The following LMTK3 variants were observed in gnomAD, a reference collection of about 807,000 sequenced individuals.
LMTK3 encodes serine/threonine-protein kinase LMTK3.
A neutral mutation model predicts 116.7 loss-of-function variants in LMTK3; 27 were observed. The observed-to-expected ratio is 0.23, with a 90% CI of 0.17 to 0.32. LMTK3 has a LOEUF of 0.32. LMTK3 is among the 10% of genes least tolerant of loss of function. The pLI, the probability that LMTK3 is intolerant of heterozygous loss-of-function variation, is 1.00. For synonymous variants in LMTK3, 965 were observed against 971.0 expected, an observed-to-expected ratio of 0.99 and a Z score of 0.11; for missense variants, 1,764 against 2,068.5, an observed-to-expected ratio of 0.85 and a Z score of 2.86.
At chr19:48,502,050 GC>G (rs1317115599) in intron 7 of LMTK3, among the ~76,000 whole-genome samples, 1 of 63,578 alleles carries the variant, frequency 1.6e-5, no homozygotes, top group African/African-American at 6.7e-5. Flanking sequence ...TTCTCTCCTG[GC>G]CCCTCCCCTC....
At chr19:48,513,439 A>G (rs1223654676), upstream of LMTK3, 10 of 542,822 alleles carry the variant, frequency 1.8e-5, no homozygotes, top group Non-Finnish European at 3.3e-6. The surrounding 1 kb of genome is among the most constrained non-coding windows in gnomAD (Gnocchi z 5.6). Context: ...AACCCGGTCC[A>G]TCGGGGACAC....
In LMTK3 at chr19:48,486,173, C is replaced by G. The variant is rs572768712; in HGVS notation, c.4367-384G>C. On this transcript the variant is annotated intron_variant, in intron 14 of 14. Transcript: ENST00000600059. ...CTCCCGGGTTCACGCCATTCTCCTGCCTCAGCCTCCCAAGTAGCTGGGACT... is the reference window on the plus strand; with the variant it reads ...CTCCCGGGTTCACGCCATTCTCCTGGCTCAGCCTCCCAAGTAGCTGGGACT... 5.4e-5 allele frequency among the ~76,000 whole-genome samples: 8 copies of G among 147,578 alleles called. No individual in the cohort carries two copies. The East Asian group carries it at 1.6e-3, about 30-fold the overall frequency.
Position 48,491,104 on chromosome 19 carries a change from G to C in LMTK3, c.4366+4C>G. The C allele has an allele frequency of 7.3e-7, 1 of 1,367,012 alleles. No individual in the cohort carries two copies. The highest frequency in any genetic ancestry group is 9.4e-7 in the Non-Finnish European group (1 of 1,061,054). 84.7% of individuals were successfully genotyped at this position (1,367,012 alleles called of 1,614,324 possible). On this transcript the variant is annotated splice_donor_region_variant and intron_variant, in intron 14 of 14. Transcript: ENST00000600059. The surrounding 1 kb of genome is among the most constrained non-coding windows in gnomAD (Gnocchi z 5.1). ...AGGAGGGGGCAGGGCCGAGGATATG[G>C]TACCTGCGGGCCGGGCGTCGGGGGC...
In LMTK3 at chr19:48,491,506, G is replaced by T. The variant is rs757133880; in HGVS notation, c.4126C>A (p.Pro1376Thr). ...GACGGGTCCGTGTCCCCCTCGGGGG[G>T]GGCCTGGACGCTCAGCTCGTTGGTT... ...TPTNELSVQA[P>T]PEGDTDPSTP... is the part of the protein sequence containing the mutation. Residue 1376 changes from proline (P) to threonine (T), a missense_variant, in exon 13 of 15, where the codon CCC (proline) becomes ACC (threonine). Physicochemically the swap from Pro to Thr is conservative, Grantham distance 38 (BLOSUM62 -1). Transcript: ENST00000600059. The surrounding 1 kb of genome is among the most constrained non-coding windows in gnomAD (Gnocchi z 5.1). The T allele has an allele frequency of 6.4e-6, 9 of 1,401,952 alleles. No individual in the cohort carries two copies. Among genetic ancestry groups the T allele is most frequent in the Non-Finnish European group, 8.4e-6 (9 of 1,073,584 alleles). The allele number at this position is 1,401,952 out of a possible 1,614,324, so 86.8% of individuals were successfully genotyped here.
chr19:48,499,024 G>C lies in LMTK3; in HGVS notation c.2045C>G (p.Pro682Arg). 1 of 1,459,262 alleles carries C rather than the reference G, an allele frequency of 6.9e-7. No homozygotes were observed. The allele number at this position is 1,459,262 out of a possible 1,614,324, so 90.4% of individuals were successfully genotyped here. ...TGCTACGGCGTCCCCCCGCTCCAGT[G>C]GCAGGCAGGAGCAGGCCCCCTCGCG... is the stretch of plus-strand genomic sequence containing the variant. ...CSREGACSCL[P>R]LERGDAVAGW... The change falls in exon 11 of 15, where the codon CCA becomes CGA. Residue 682 changes from proline to arginine, a missense_variant. Physicochemically the swap from Pro to Arg is moderately radical, Grantham distance 103. This residue lies in a region of LMTK3 where 1,028 missense variants were observed against 1,050.6 expected (regional missense o/e 0.98). Transcript: ENST00000600059.
rs754539098 is a variant in LMTK3, at chr19:48,491,058, TAGG to T, written c.4366+47_4366+49del. 1.6e-6 allele frequency: 2 copies of T among 1,238,648 alleles called. No individual in the cohort carries two copies. Among genetic ancestry groups the T allele is most frequent in the Admixed American group, 4.1e-5 (1 of 24,552 alleles). 76.7% of individuals were successfully genotyped at this position (1,238,648 alleles called of 1,614,324 possible). A position where few individuals can be genotyped will look rare whatever the true frequency, so the allele number is the denominator to read the frequency against. The stretch of plus-strand genomic sequence containing the variant: ...GTCACAAGAAGTTGGCAGTGGAACA[TAGG>T]GGGACAGAGATGGGCAGAGGAGGGG... On this transcript the variant is annotated intron_variant, in intron 14 of 14. Transcript: ENST00000600059. This position sits in a 1 kb window ranked among gnomAD's most constrained non-coding sequence, Gnocchi z 5.1.
chr19:48,494,870 C>A lies in LMTK3; in HGVS notation c.3677-761G>T, dbSNP rs547418213. On this transcript the variant is annotated intron_variant, in intron 11 of 14. Transcript: ENST00000600059. This position sits in a 1 kb window ranked among gnomAD's most constrained non-coding sequence, Gnocchi z 4.0. ...GGTGAGCCAGTGCACATCTCAGTGC[C>A]CTCTCTAGAACACTCTCCCACCGAT... Among the ~76,000 whole-genome samples, 1 of 152,142 alleles carries A rather than the reference C, an allele frequency of 6.6e-6. No individual in the cohort carries two copies. Among genetic ancestry groups the A allele is most frequent in the Non-Finnish European group, 1.5e-5 (1 of 67,996 alleles).
intron 14 of LMTK3, among the ~76,000 whole-genome samples, chr19:48,489,632 G>A (rs913266805): frequency 6.6e-6 from 1 of 152,180 alleles, no homozygotes; most frequent in Non-Finnish European, 1.5e-5. Context: ...TGCTGCACAG[G>A]CGCTGTGCTG....
intron 11 of LMTK3, among the ~76,000 whole-genome samples, chr19:48,496,856 A>C (rs1014878177): frequency 6.6e-6 from 1 of 152,260 alleles, no homozygotes; most frequent in Admixed American, 6.5e-5. Flanking sequence ...AAGAAATAAA[A>C]ACCAGAGCTC....
Position 48,498,702 on chromosome 19 carries a change from C to T in LMTK3, c.2367G>A (p.Lys789=). 6.5e-7 allele frequency: 1 copy of T among 1,531,092 alleles called. No homozygotes were observed. The highest frequency in any genetic ancestry group is 8.7e-7 in the Non-Finnish European group (1 of 1,143,614). The allele number at this position is 1,531,092 out of a possible 1,614,324, so 94.8% of individuals were successfully genotyped here. A position where few individuals can be genotyped will look rare whatever the true frequency, so the allele number is the denominator to read the frequency against. The part of the protein sequence containing the change: ...PGSGLSSPGP[K]PGDSGYETET... ...CGGTCTCGTAGCCGCTGTCCCCCGG[C>T]TTGGGGCCCGGCGACGAGAGGCCTG... is the stretch of plus-strand genomic sequence containing the variant. The change falls in exon 11 of 15, where the codon AAG becomes AAA. Residue 789 remains lysine, a synonymous_variant. Transcript: ENST00000600059.
chr19:48,486,404 C>A (rs1400764074), intron 14 of LMTK3, among the ~76,000 whole-genome samples: 1 of 151,938 alleles, frequency 6.6e-6, no homozygotes, highest in African/African-American at 2.4e-5. Context: ...CCTGCAACGT[C>A]CCCTCCACAG....
rs781503086 is a variant in LMTK3 at position 48,510,500 on chromosome 19, G to C, written c.169C>G (p.Leu57Val). The change falls in exon 2 of 15, where the codon CTC (leucine) becomes GTC (valine). Residue 57 changes from leucine to valine, a missense_variant. Around this residue, in one of 7 missense-constraint regions of LMTK3, gnomAD observed 271 missense variants for 478.2 expected, o/e 0.57. Transcript: ENST00000600059. ...SGLLAFIFLL[L>V]TCLCCKRGDV... ...CCCCGTTTGCAGCACAGACAGGTGA[G>C]GAGGAGGAAGATGAAGGCCAGCAGG... 6.3e-7 allele frequency: 1 copy of C among 1,597,870 alleles called. No individual in the cohort carries two copies.
In LMTK3 at chr19:48,510,140, C is replaced by T. The variant is rs1404515688; in HGVS notation, c.244G>A (p.Gly82Arg). The part of the protein sequence containing the change: ...FENPEGEDCS[G>R]EYTPPAEETS... ...TCCTCCGCAGGGGGAGTGTACTCCCCGGAGCAGTCCTCCCCTTCAGGGTTC... is the reference window on the plus strand; with the variant it reads ...TCCTCCGCAGGGGGAGTGTACTCCCTGGAGCAGTCCTCCCCTTCAGGGTTC... Residue 82 changes from glycine (G) to arginine (R), a missense_variant, in exon 3 of 15, where the codon GGG becomes AGG. Coordinates refer to ENST00000600059, the MANE Select transcript of LMTK3 (RefSeq NM_001388485.1). 1.9e-6 allele frequency: 3 copies of T among 1,613,676 alleles called. No homozygotes were observed. The highest frequency in any genetic ancestry group is 2.2e-5 in the East Asian group (1 of 44,876).
At chr19:48,510,337 A>G in intron 2 of LMTK3, 122 bp downstream of exon 2, 1 of 1,437,590 alleles carries the variant, frequency 7.0e-7, no homozygotes, top group Non-Finnish European at 9.4e-7. Context: ...ATCTTGCCAT[A>G]GCTTCAAGCT....
chr19:48,502,892 C>T lies in LMTK3; in HGVS notation c.645+17G>A. ...AGCTGCCCCCTCTGCCCTTCCCCAA[C>T]CCCCCAAGACCCTCACCAGTTGACA... On this transcript the variant is annotated intron_variant, in intron 6 of 14. Coordinates refer to ENST00000600059, the MANE Select transcript of LMTK3 (RefSeq NM_001388485.1). 3 of 1,592,470 alleles carry T rather than the reference C, an allele frequency of 1.9e-6. No homozygotes were observed. Among genetic ancestry groups the T allele is most frequent in the Non-Finnish European group, 2.6e-6 (3 of 1,163,250 alleles).
At chr19:48,501,876 A>G (rs1366445046) in intron 7 of LMTK3, among the ~76,000 whole-genome samples, 1 of 104,334 alleles carries the variant, frequency 9.6e-6, no homozygotes, top group Non-Finnish European at 1.9e-5. Flanking sequence ...ACCTCTCCTC[A>G]TCACGTGACC....
chr19:48,503,845 TCCTTCCTTCCTCCCTCCCTCCCTC>T (rs1601054421), intron 5 of LMTK3, among the ~76,000 whole-genome samples: 1 of 151,026 alleles, frequency 6.6e-6, no homozygotes, highest in Non-Finnish European at 1.5e-5. Context: ...CTCCCTTCCT[TCCTTCCTTCCTCCCTCCCTCCCTC>T]CCTTCCTTCC....
rs1364528970 is a variant in LMTK3 at position 48,510,461 on chromosome 19, T to G, written c.208A>C (p.Lys70Gln). The change falls in exon 2 of 15, where the codon AAG becomes CAG. Residue 70 changes from lysine to glutamine, a missense_variant and splice_region_variant. Physicochemically the swap from Lys to Gln is moderately conservative, Grantham distance 53. This residue lies in a region of LMTK3 where 271 missense variants were observed against 478.2 expected (regional missense o/e 0.57). Coordinates refer to ENST00000600059, the MANE Select transcript of LMTK3 (RefSeq NM_001388485.1). ...LCCKRGDVGF[K>Q]EFENPEGEDC... is the part of the protein sequence containing the mutation. ...TTGAATCCCCTCATGCACCTCACCT[T>G]GAAGCCGACATCGCCCCGTTTGCAG... The G allele has an allele frequency of 6.3e-7, 1 of 1,595,132 alleles. No homozygotes were observed. Among genetic ancestry groups the G allele is most frequent in the Non-Finnish European group, 8.5e-7 (1 of 1,170,872 alleles).
rs759461680 is a variant in LMTK3, at chr19:48,497,689, G to A, written c.3380C>T (p.Pro1127Leu). ...GGCCTTTGCGTCCACGCCGCTTCCGGGGCCGCCGCCGGGGGCCGTCCCCGT... is the reference window on the plus strand; with the variant it reads ...GGCCTTTGCGTCCACGCCGCTTCCGAGGCCGCCGCCGGGGGCCGTCCCCGT... ...VGTGTAPGGGPGSGVDAKAGW... is the reference protein window; with the variant it reads ...VGTGTAPGGGLGSGVDAKAGW... The change falls in exon 11 of 15, where the codon CCC becomes CTC. Residue 1127 changes from proline to leucine, a missense_variant. By Grantham distance (98) the Pro-to-Leu change is moderately conservative (BLOSUM62 -3). This residue lies in a region of LMTK3 where 1,028 missense variants were observed against 1,050.6 expected (regional missense o/e 0.98). Coordinates refer to ENST00000600059, the MANE Select transcript of LMTK3 (RefSeq NM_001388485.1). The surrounding 1 kb of genome is among the most constrained non-coding windows in gnomAD (Gnocchi z 5.7). The A allele has an allele frequency of 2.3e-6, 3 of 1,315,112 alleles. No homozygotes were observed. Among genetic ancestry groups the A allele is most frequent in the Non-Finnish European group, 2.9e-6 (3 of 1,036,228 alleles). The allele number at this position is 1,315,112 out of a possible 1,614,324, so 81.5% of individuals were successfully genotyped here. A position where few individuals can be genotyped will look rare whatever the true frequency, so the allele number is the denominator to read the frequency against.
Sources: allele counts gnomAD v4.1 joint callset (sites outside exome capture counted in the v4.1 genomes callset), GRCh38; gene constraint gnomAD v4.1.1; regional missense constraint gnomAD v4.1.1; non-coding constraint Gnocchi (gnomAD v3.1); transcripts MANE v1.5; gene names NCBI Gene and HGNC (gene_info 2026-07-23, HGNC 2026-07-21).